Variants in B3GALT1 observed in about 807,000 individuals in gnomAD.
The protein encoded by B3GALT1 is UDP-Gal:betaGlcNAc beta 1,3-galactosyltransferase, polypeptide 1.
Under a neutral mutation model 23.2 loss-of-function variants are expected in B3GALT1, and 10 were observed. The ratio of observed to expected loss-of-function variants is 0.43; its 90% CI spans 0.27 to 0.73. The LOEUF is 0.73. B3GALT1 is among the 30% of genes least tolerant of loss of function. The pLI, the probability that B3GALT1 is intolerant of heterozygous loss-of-function variation, is 0.21. For synonymous variants in B3GALT1, 156 were observed against 141.5 expected, an observed-to-expected ratio of 1.10 and a Z score of -0.73; for missense variants, 299 against 405.4, an observed-to-expected ratio of 0.74 and a Z score of 2.25.
At chr2:167,481,226 A>AC (rs397716111) in intron 1 of B3GALT1, among the ~76,000 whole-genome samples, 1 of 151,910 alleles carries the variant, frequency 6.6e-6, no homozygotes, top group African/African-American at 2.4e-5. Flanking sequence ...GGTAAAAAAA[A>AC]CATAACTAAA....
At chr2:167,627,626 A>G (rs546320478) in intron 2 of B3GALT1, among the ~76,000 whole-genome samples, 1 of 151,858 alleles carries the variant, frequency 6.6e-6, no homozygotes, top group East Asian at 1.9e-4. Flanking sequence ...TAAAGCTGCT[A>G]TAAATATTTG....
chr2:167,301,220 A>G (rs1029102088), intron 1 of B3GALT1, among the ~76,000 whole-genome samples: 1 of 152,212 alleles, frequency 6.6e-6, no homozygotes, highest in African/African-American at 2.4e-5. Context: ...GTTGCATGCT[A>G]TAGAAATCAG....
intron 3 of B3GALT1, among the ~76,000 whole-genome samples, chr2:167,686,903 G>A (rs1465911748): frequency 6.6e-6 from 1 of 152,086 alleles, no homozygotes; most frequent in South Asian, 2.1e-4. Context: ...CCTGTAACGC[G>A]GACAGTCACA....
intron 2 of B3GALT1, among the ~76,000 whole-genome samples, chr2:167,597,842 T>C (rs1262240459): frequency 6.6e-6 from 1 of 152,182 alleles, no homozygotes; most frequent in Non-Finnish European, 1.5e-5. Flanking sequence ...AAGGAACAGC[T>C]TTGCTTCCCC....
intron 2 of B3GALT1, among the ~76,000 whole-genome samples, chr2:167,621,089 C>CTG (rs1553472877): frequency 7.7e-6 from 1 of 129,194 alleles, no homozygotes; most frequent in Non-Finnish European, 1.6e-5. Context: ...TTTTTCAGTT[C>CTG]TTTTTTTTTT....
intron 4 of B3GALT1, among the ~76,000 whole-genome samples, chr2:167,844,539 A>G (rs987339050): frequency 4.6e-5 from 7 of 152,188 alleles, no homozygotes; most frequent in African/African-American, 1.4e-4. Context: ...GAGCAGAGTC[A>G]ATTTAGAGAG....
At chr2:167,834,049 T>C (rs1194704527) in intron 4 of B3GALT1, among the ~76,000 whole-genome samples, 1 of 152,204 alleles carries the variant, frequency 6.6e-6, no homozygotes, top group African/African-American at 2.4e-5. Flanking sequence ...TAGATTCTTA[T>C]CTAAAAAAGG....
At chr2:167,644,472 A>G (rs940110505) in intron 2 of B3GALT1, among the ~76,000 whole-genome samples, 8 of 152,090 alleles carry the variant, frequency 5.3e-5, no homozygotes, top group Non-Finnish European at 1.0e-4. Flanking sequence ...AAGCTCACCT[A>G]TTGAATTGAT....
At position 167,521,211 on chromosome 2, in the gene B3GALT1, C is replaced by T. The variant is rs182605418; in HGVS notation, c.-410+30934C>T. ...TTCCATTTTAGTAGAATTCAAGTTGCTCTGATAGAAGCTCTTGTAAAACTC... is the reference window on the plus strand; with the variant it reads ...TTCCATTTTAGTAGAATTCAAGTTGTTCTGATAGAAGCTCTTGTAAAACTC... On this transcript the variant is annotated intron_variant, in intron 2 of 4. Transcript: ENST00000392690. Among the ~76,000 whole-genome samples the T allele has an allele frequency of 1.8e-4, 28 of 152,196 alleles. No homozygotes were observed. The East Asian group carries it at 1.9e-3, about 10-fold the overall frequency.
chr2:167,662,754 T>C (rs1686083657), intron 3 of B3GALT1, among the ~76,000 whole-genome samples: 1 of 151,928 alleles, frequency 6.6e-6, no homozygotes, highest in African/African-American at 2.4e-5. Context: ...TTTCATCTCG[T>C]ATCACCTCTC....
intron 1 of B3GALT1, among the ~76,000 whole-genome samples, chr2:167,332,320 C>T (rs892643681): frequency 1.3e-5 from 2 of 152,082 alleles, no homozygotes; most frequent in African/African-American, 4.8e-5. Flanking sequence ...CGATTTTTAC[C>T]TAATAAATGT....
intron 2 of B3GALT1, chr2:167,558,178 T>C (rs955404590): frequency 1.3e-5 from 2 of 152,216 alleles, no homozygotes; most frequent in Non-Finnish European, 2.9e-5. Context: ...AAGACAAGTC[T>C]TTGGTTATCA....
chr2:167,590,837 T>G (rs1684667899), intron 2 of B3GALT1, among the ~76,000 whole-genome samples: 2 of 152,218 alleles, frequency 1.3e-5, no homozygotes, highest in South Asian at 4.1e-4. Context: ...AATTCTTATG[T>G]TTCAGGATAA....
chr2:167,522,167 A>C (rs1213917220), intron 2 of B3GALT1, among the ~76,000 whole-genome samples: 1 of 151,890 alleles, frequency 6.6e-6, no homozygotes, highest in Non-Finnish European at 1.5e-5. Flanking sequence ...GGAAATGGCA[A>C]CCTAACTTTT....
chr2:167,505,502 ACT>A (rs1699905304), intron 2 of B3GALT1, among the ~76,000 whole-genome samples: 1 of 152,058 alleles, frequency 6.6e-6, no homozygotes, highest in Non-Finnish European at 1.5e-5. Context: ...GTGATTAGAG[ACT>A]CTAAGGAGAA....
At position 167,428,434 on chromosome 2, in the gene B3GALT1, G is replaced by C. The variant is rs182509803; in HGVS notation, c.-510-61743G>C. On this transcript the variant is annotated intron_variant, in intron 1 of 4. Transcript: ENST00000392690. ...TTACGCCAGTTATTCCAGCACTTTG[G>C]GGGGCTGAGGTGAGAGGATCACTTG... is the stretch of plus-strand genomic sequence containing the variant. Among the ~76,000 whole-genome samples, 4 of 152,288 alleles carry C rather than the reference G, an allele frequency of 2.6e-5. No homozygotes were observed. In the South Asian group the frequency reaches 6.2e-4, roughly 24 times the overall value.
chr2:167,831,519 A>G (rs890348653), intron 4 of B3GALT1, among the ~76,000 whole-genome samples: 11 of 152,348 alleles, frequency 7.2e-5, no homozygotes, highest in Middle Eastern at 3.4e-3. Context: ...TTTGAGGTAA[A>G]CACTTGTGGC....
intron 3 of B3GALT1, among the ~76,000 whole-genome samples, chr2:167,720,965 ATGT>A (rs1383009868): frequency 1.4e-4 from 21 of 152,026 alleles, no homozygotes; most frequent in Non-Finnish European, 1.5e-5. Context: ...TTTCTATTGT[ATGT>A]TGTTGTTATT....
intron 3 of B3GALT1, among the ~76,000 whole-genome samples, chr2:167,703,981 A>G (rs974578559): frequency 1.6e-4 from 24 of 151,942 alleles, no homozygotes; most frequent in Non-Finnish European, 2.6e-4. Flanking sequence ...GGAGATCAAG[A>G]CCTTCCTGGC....
Sources: allele counts gnomAD v4.1 joint callset (sites outside exome capture counted in the v4.1 genomes callset), GRCh38; gene constraint gnomAD v4.1.1; transcripts MANE v1.5; gene names NCBI Gene and HGNC (gene_info 2026-07-23, HGNC 2026-07-21).